Variants in RUSF1 observed in about 807,000 individuals in gnomAD.
The protein encoded by RUSF1 is RUS family member 1.
A neutral mutation model predicts 63.0 loss-of-function variants in RUSF1; 58 were observed. The observed-to-expected ratio is 0.92, with a 90% CI of 0.75 to 1.15. The LOEUF is 1.15. Ranked by LOEUF, RUSF1 falls within the 50% of genes most tolerant of loss-of-function variation. The pLI, the probability that RUSF1 is intolerant of heterozygous loss-of-function variation, is 0.00. For synonymous variants in RUSF1, 274 were observed against 255.8 expected (o/e 1.07, Z -0.68); for missense variants, 652 against 611.0 (o/e 1.07, Z -0.71).
intron 2 of RUSF1, among the ~76,000 whole-genome samples, chr16:31,505,813 C>T (rs144135882): frequency 3.3e-5 from 5 of 152,258 alleles, no homozygotes; most frequent in African/African-American, 4.8e-5. Flanking sequence ...CTAGAGGACC[C>T]GCTTCCTGTC....
At position 31,490,374 on chromosome 16, in the gene RUSF1, G is replaced by C. The variant is rs747550379; in HGVS notation, c.*461C>G. On this transcript the variant is annotated 3_prime_UTR_variant, in exon 13 of 13. Coordinates refer to ENST00000327237, the MANE Select transcript of RUSF1 (RefSeq NM_022744.4). ...GCTCTGGTTTTGTGGAATGAGCAGA[G>C]GTGGGGTGGGCAGTCCTCCGCCCCT... 4.3e-6 allele frequency: 7 copies of C among 1,613,198 alleles called. No individual in the cohort carries two copies. Among genetic ancestry groups the C allele is most frequent in the Non-Finnish European group, 5.1e-6 (6 of 1,179,744 alleles).
chr16:31,505,725 T>C (rs1321597025), intron 2 of RUSF1, among the ~76,000 whole-genome samples: 3 of 152,154 alleles, frequency 2.0e-5, no homozygotes, highest in East Asian at 3.8e-4. Flanking sequence ...ACTTCTAAGA[T>C]AGAAACCACA....
Position 31,489,514 on chromosome 16 carries a change from A to C in RUSF1, c.*1321T>G. On this transcript the variant is annotated 3_prime_UTR_variant, in exon 13 of 13. Transcript: ENST00000327237. ...TTTTTATTTAAATACATTTATTTGA[A>C]CCGGCCTGGGGGAGGCTTGATGTTG... 1.5e-6 allele frequency: 1 copy of C among 663,040 alleles called. No individual in the cohort carries two copies. Among genetic ancestry groups the C allele is most frequent in the Non-Finnish European group, 2.7e-6 (1 of 374,574 alleles). The allele number at this position is 663,040 out of a possible 1,614,324, so 41.1% of individuals were successfully genotyped here.
At chr16:31,499,860 C>G (rs1276683691) in intron 3 of RUSF1, among the ~76,000 whole-genome samples, 1 of 152,088 alleles carries the variant, frequency 6.6e-6, no homozygotes, top group African/African-American at 2.4e-5. Context: ...CGTTCTTCTT[C>G]TTGCTTTAGA....
intron 2 of RUSF1, among the ~76,000 whole-genome samples, chr16:31,503,832 T>C (rs2082644317): frequency 6.6e-6 from 1 of 152,150 alleles, no homozygotes; most frequent in South Asian, 2.1e-4. Flanking sequence ...CTGGCTAATT[T>C]TGTATTATTA....
Position 31,500,670 on chromosome 16 carries a change from G to T in RUSF1, c.461+16C>A. 1.2e-6 allele frequency: 2 copies of T among 1,611,076 alleles called. No homozygotes were observed. The highest frequency in any genetic ancestry group is 8.5e-7 in the Non-Finnish European group (1 of 1,178,196). The stretch of plus-strand genomic sequence containing the variant: ...GGAAGAGTTGCCAGAGTTGCTGGCC[G>T]GGAAGACAAACTCACCCTTTCCACC... On this transcript the variant is annotated intron_variant, in intron 3 of 12. Coordinates refer to ENST00000327237, the MANE Select transcript of RUSF1 (RefSeq NM_022744.4).
intron 12 of RUSF1, 100 bp from the exon 13 acceptor site, chr16:31,491,032 G>T: frequency 9.1e-7 from 1 of 1,094,478 alleles, no homozygotes; most frequent in Non-Finnish European, 1.4e-6. Flanking sequence ...GGCTCCCACT[G>T]CCTCTGCTGG....
chr16:31,500,963 ATT>A (rs2082630393), intron 2 of RUSF1, among the ~76,000 whole-genome samples: 1 of 152,218 alleles, frequency 6.6e-6, no homozygotes, highest in Admixed American at 6.5e-5. Context: ...TCTTTGCAGA[ATT>A]GTTCATAACA....
At chr16:31,493,122 C>T (rs2082582167) in intron 9 of RUSF1, 74 bp from the exon 10 acceptor site, 3 of 1,447,992 alleles carry the variant, frequency 2.1e-6, no homozygotes, top group African/African-American at 1.4e-5. Context: ...CACTGAACAG[C>T]CACCCAGTGA....
rs754970086 is a variant in RUSF1 at position 31,500,670 on chromosome 16, G to C, written c.461+16C>G. The C allele has an allele frequency of 6.2e-7, 1 of 1,611,076 alleles. No individual in the cohort carries two copies. ...GGAAGAGTTGCCAGAGTTGCTGGCC[G>C]GGAAGACAAACTCACCCTTTCCACC... is the stretch of plus-strand genomic sequence containing the variant. On this transcript the variant is annotated intron_variant, in intron 3 of 12. Transcript: ENST00000327237.
intron 6 of RUSF1, 70 bp downstream of exon 6, chr16:31,496,778 CA>C: frequency 7.5e-7 from 1 of 1,325,348 alleles, no homozygotes; most frequent in Non-Finnish European, 1.0e-6. Context: ...CTGGGCCCTC[CA>C]GGGCACTCAA....
At chr16:31,505,853 C>T (rs1484776616) in intron 2 of RUSF1, among the ~76,000 whole-genome samples, 2 of 152,200 alleles carry the variant, frequency 1.3e-5, no homozygotes, top group East Asian at 3.9e-4. Context: ...TTCTTCTCAC[C>T]TTAAAAAAAT....
chr16:31,508,270 T>C lies in RUSF1; in HGVS notation c.104A>G (p.Glu35Gly). The C allele has an allele frequency of 6.4e-7, 1 of 1,569,688 alleles. No homozygotes were observed. Among genetic ancestry groups the C allele is most frequent in the Non-Finnish European group, 8.6e-7 (1 of 1,157,942 alleles). ...RAAADGSLQW[E>G]VGGWRWWGLS... ...CCCCCACCAGCGCCAGCCCCCGACC[T>C]CCCACTGCAGGCTCCCGTCCGCGGC... is the stretch of plus-strand genomic sequence containing the variant. The change falls in exon 1 of 13, where the codon GAG (glutamate) becomes GGG (glycine). Residue 35 changes from glutamate (E) to glycine (G), a missense_variant. By Grantham distance (98) the Glu-to-Gly change is moderately conservative (BLOSUM62 -2). Transcript: ENST00000327237.
At chr16:31,494,466 A>G (rs1354373960) in intron 6 of RUSF1, among the ~76,000 whole-genome samples, 1 of 151,898 alleles carries the variant, frequency 6.6e-6, no homozygotes, top group Non-Finnish European at 1.5e-5. Flanking sequence ...CAGTGAGCTG[A>G]GATCACGCCA....
chr16:31,493,909 A>G lies in RUSF1; in HGVS notation c.730T>C (p.Leu244=). ...QETLVNLAGL[L]VSLLMLPLVS... ...AGAGGGAGCATCAGGAGGCTGACCA[A>G]GAGCCCCGCCAGGTTCACCAGCGTC... Residue 244 remains leucine (L), a synonymous_variant, in exon 7 of 13, where the codon TTG becomes CTG. Coordinates refer to ENST00000327237, the MANE Select transcript of RUSF1 (RefSeq NM_022744.4). 1 of 1,614,142 alleles carries G rather than the reference A, an allele frequency of 6.2e-7. No individual in the cohort carries two copies. Among genetic ancestry groups the G allele is most frequent in the Non-Finnish European group, 8.5e-7 (1 of 1,180,010 alleles).
At position 31,489,718 on chromosome 16, in the gene RUSF1, A is replaced by G; in HGVS notation, c.*1117T>C. 1 of 448,620 alleles carries G rather than the reference A, an allele frequency of 2.2e-6. No homozygotes were observed. Among genetic ancestry groups the G allele is most frequent in the Non-Finnish European group, 4.1e-6 (1 of 241,632 alleles). 27.8% of individuals were successfully genotyped at this position (448,620 alleles called of 1,614,324 possible). On this transcript the variant is annotated 3_prime_UTR_variant, in exon 13 of 13. Coordinates refer to ENST00000327237, the MANE Select transcript of RUSF1 (RefSeq NM_022744.4). ...GATGGTGGCAGGGTGGGGTGAGGAC[A>G]GGACAAGAGATCTGGGTGTGGAAGG...
Position 31,507,878 on chromosome 16 carries a change from C to T in RUSF1, c.301G>A (p.Ala101Thr), listed in dbSNP as rs1368192783. 21 of 1,555,940 alleles carry T rather than the reference C, an allele frequency of 1.3e-5. No individual in the cohort carries two copies. The highest frequency in any genetic ancestry group is 1.8e-5 in the Non-Finnish European group (21 of 1,149,352). ...LPYQLWDSVQAFASSLSGSLA... is the reference protein window; with the variant it reads ...LPYQLWDSVQTFASSLSGSLA... ...GAGCCGGAGAGGCTGGAAGCAAACG[C>T]CTGGAGAAGAAAACAAGTAGGGTGA... Residue 101 changes from alanine (A) to threonine (T), a missense_variant and splice_region_variant, in exon 2 of 13, where the codon GCG becomes ACG. Coordinates refer to ENST00000327237, the MANE Select transcript of RUSF1 (RefSeq NM_022744.4).
In RUSF1 at chr16:31,508,362, G is replaced by A. The variant is rs1394795763; in HGVS notation, c.12C>T (p.Asp4=). Residue 4 remains aspartate (D), a synonymous_variant, in exon 1 of 13, where the codon GAC becomes GAT. Transcript: ENST00000327237. MAD[D]AGLETPLCSE... ...AACACAGCGGGGTCTCCAAACCCGC[G>A]TCGTCAGCCATGCCGAGCTTTTGGA... 1.1e-5 allele frequency: 16 copies of A among 1,517,052 alleles called. No homozygotes were observed. Among genetic ancestry groups the A allele is most frequent in the African/African-American group, 5.7e-5 (4 of 70,736 alleles). The allele number at this position is 1,517,052 out of a possible 1,614,324, so 94.0% of individuals were successfully genotyped here.
intron 10 of RUSF1, 95 bp downstream of exon 10, chr16:31,492,883 C>T (rs1443190201): frequency 1.5e-6 from 2 of 1,293,982 alleles, no homozygotes; most frequent in East Asian, 4.9e-5. Flanking sequence ...AACAGGCAGC[C>T]TCCAAACTGC....
Sources: gnomAD v4.1 joint callset for allele counts (sites outside exome capture counted in the v4.1 genomes callset) on GRCh38, gnomAD v4.1.1 for gene constraint, MANE v1.5 for transcripts, NCBI Gene and HGNC (gene_info 2026-07-23, HGNC 2026-07-21) for gene names.